COL19A1: variants seen among roughly 807,000 people sequenced by gnomAD.
The protein encoded by COL19A1 is collagen alpha-1(XIX) chain.
COL19A1 carries 159 observed loss-of-function variants against 190.2 expected under a neutral mutation model. The observed-to-expected ratio is 0.84, with a 90% CI of 0.73 to 0.95. COL19A1 has a LOEUF of 0.95. COL19A1 is among the 40% of genes least tolerant of loss of function. The pLI, the probability that COL19A1 is intolerant of heterozygous loss-of-function variation, is 0.00. For synonymous variants in COL19A1, 509 were observed against 458.9 expected (o/e 1.11, Z -1.39); for missense variants, 1,418 against 1,431.9 (o/e 0.99, Z 0.16).
At chr6:70,029,907 T>A in intron 12 of COL19A1, among the ~76,000 whole-genome samples, 1 of 152,196 alleles carries the variant, frequency 6.6e-6, no homozygotes, top group African/African-American at 2.4e-5. Flanking sequence ...GCCTACCGTA[T>A]GCTAAATGTC....
intron 4 of COL19A1, among the ~76,000 whole-genome samples, chr6:69,921,377 C>CATATATATT: frequency 1.1e-5 from 1 of 94,554 alleles, no homozygotes; most frequent in South Asian, 3.3e-4. Context: ...TCATATATAT[C>CATATATATT]ATATATATCA....
Position 70,168,262 on chromosome 6 carries a change from C to A in COL19A1, c.2541+47C>A, listed in dbSNP as rs1583072362. ...CAAACACACTTTAGCTGAACAACCA[C>A]AATGAAAAACAAACAATAAAAACCT... On this transcript the variant is annotated intron_variant, in intron 39 of 50. Coordinates refer to ENST00000620364, the MANE Select transcript of COL19A1 (RefSeq NM_001858.6). 1.9e-6 allele frequency: 3 copies of A among 1,580,072 alleles called. No homozygotes were observed. In the East Asian group the frequency reaches 6.7e-5, roughly 36 times the overall value.
At chr6:69,956,952 T>TA (rs1483415978) in intron 9 of COL19A1, among the ~76,000 whole-genome samples, 6 of 151,834 alleles carry the variant, frequency 4.0e-5, no homozygotes, top group Non-Finnish European at 5.9e-5. Context: ...GTCTAACTGT[T>TA]AAAAAAAATC....
intron 49 of COL19A1, among the ~76,000 whole-genome samples, chr6:70,205,921 C>T (rs548470615): frequency 6.6e-6 from 1 of 152,280 alleles, no homozygotes; most frequent in South Asian, 2.1e-4. Flanking sequence ...TCTCTTGTTT[C>T]CTAGCTTTGC....
chr6:69,943,443 G>T (rs1398700687), intron 9 of COL19A1, among the ~76,000 whole-genome samples: 1 of 151,958 alleles, frequency 6.6e-6, no homozygotes, highest in Non-Finnish European at 1.5e-5. Context: ...TGCTTTGGTT[G>T]CCTGTGCTCT....
intron 48 of COL19A1, among the ~76,000 whole-genome samples, chr6:70,194,107 C>T (rs988315239): frequency 2.6e-5 from 4 of 152,200 alleles, no homozygotes; most frequent in African/African-American, 9.6e-5. Context: ...CTCTGCTGCA[C>T]GCATCCCTGC....
intron 23 of COL19A1, 61 bp from the exon 24 acceptor site, chr6:70,144,149 G>A (rs1786452499): frequency 7.2e-7 from 1 of 1,387,550 alleles, no homozygotes; most frequent in African/African-American, 1.4e-5. Context: ...CACAGATATA[G>A]GGAAATGTTA....
intron 15 of COL19A1, among the ~76,000 whole-genome samples, chr6:70,100,106 A>T (rs3806026): frequency 0.57 from 86,448 of 151,956 alleles, 24,828 homozygotes; most frequent in South Asian, 0.61. Flanking sequence ...AATATACATG[A>T]CTCCTTTGAA....
At chr6:70,016,766 A>G (rs954150770) in intron 11 of COL19A1, among the ~76,000 whole-genome samples, 2 of 152,086 alleles carry the variant, frequency 1.3e-5, no homozygotes, top group Non-Finnish European at 2.9e-5. Context: ...TCTAACAAGC[A>G]GAGGAAATGA....
chr6:70,158,104 A>T (rs1787555251), intron 34 of COL19A1, among the ~76,000 whole-genome samples: 1 of 152,122 alleles, frequency 6.6e-6, no homozygotes, highest in Non-Finnish European at 1.5e-5. Flanking sequence ...ATTCTTTTCC[A>T]TTGTTTCTTC....
chr6:70,064,178 A>G (rs985957903), intron 14 of COL19A1, among the ~76,000 whole-genome samples: 3 of 152,188 alleles, frequency 2.0e-5, no homozygotes, highest in Non-Finnish European at 4.4e-5. Context: ...CAACAAAAAA[A>G]GAGAATTTTA....
chr6:70,038,188 T>C (rs1779453273), intron 14 of COL19A1, among the ~76,000 whole-genome samples: 1 of 152,248 alleles, frequency 6.6e-6, no homozygotes, highest in African/African-American at 2.4e-5. Context: ...GGCAGTGATA[T>C]ATTGGAGTCA....
intron 4 of COL19A1, among the ~76,000 whole-genome samples, chr6:69,903,608 C>T (rs1770328530): frequency 6.6e-6 from 1 of 152,194 alleles, no homozygotes; most frequent in Admixed American, 6.5e-5. Context: ...TCCATAAATG[C>T]ACCCATCCTG....
chr6:69,955,345 A>C (rs894660585), intron 9 of COL19A1, among the ~76,000 whole-genome samples: 2 of 152,028 alleles, frequency 1.3e-5, no homozygotes, highest in Non-Finnish European at 2.9e-5. Context: ...TATTTGAATA[A>C]CTCTTAGTAC....
intron 48 of COL19A1, among the ~76,000 whole-genome samples, chr6:70,194,258 G>C (rs751470666): frequency 2.0e-5 from 3 of 152,180 alleles, no homozygotes; most frequent in Admixed American, 1.3e-4. Context: ...TGAAACCCTA[G>C]ACCAGGATGA....
intron 4 of COL19A1, among the ~76,000 whole-genome samples, chr6:69,901,565 G>T (rs944351536): frequency 6.6e-6 from 1 of 152,238 alleles, no homozygotes; most frequent in Non-Finnish European, 1.5e-5. Context: ...AGCTGCCGCT[G>T]TTTGGGTGGT....
chr6:69,902,818 C>T (rs1770274780), intron 4 of COL19A1, among the ~76,000 whole-genome samples: 1 of 152,182 alleles, frequency 6.6e-6, no homozygotes, highest in South Asian at 2.1e-4. Context: ...AATTATACTG[C>T]ACTCTCACGC....
chr6:69,921,270 TATATATCATATATC>T (rs1290710111), intron 4 of COL19A1, among the ~76,000 whole-genome samples: 7 of 131,838 alleles, frequency 5.3e-5, no homozygotes, highest in Non-Finnish European at 9.2e-5. Context: ...TCATATATCA[TATATATCATATATC>T]ATATATCATA....
At chr6:69,895,137 G>C (rs1769630268) in intron 2 of COL19A1, among the ~76,000 whole-genome samples, 1 of 152,148 alleles carries the variant, frequency 6.6e-6, no homozygotes, top group Admixed American at 6.5e-5. Flanking sequence ...GCTGGCTGTG[G>C]GGGACTTTTG....
Sources: allele counts gnomAD v4.1 joint callset (sites outside exome capture counted in the v4.1 genomes callset), GRCh38; gene constraint gnomAD v4.1.1; transcripts MANE v1.5; gene names NCBI Gene and HGNC (gene_info 2026-07-23, HGNC 2026-07-21).